The following SLCO5A1 variants were observed in gnomAD, a reference collection of about 807,000 sequenced individuals.
SLCO5A1 encodes the protein organic anion transporter polypeptide-related protein 4.
In SLCO5A1, 39 loss-of-function variants were observed where a neutral mutation model predicts 65.1. The observed-to-expected ratio is 0.60, with a 90% confidence interval of 0.46 to 0.78. The LOEUF is 0.78. SLCO5A1 is among the 30% of genes least tolerant of loss of function. SLCO5A1 has a pLI of 0.00. For synonymous variants in SLCO5A1, 438 were observed against 415.7 expected (o/e 1.05, Z -0.65); for missense variants, 1,029 against 1,069.4 (o/e 0.96, Z 0.53).
rs1821160656 is a variant in SLCO5A1, at chr8:69,831,756, G to A, written c.907+11C>T. On this transcript the variant is annotated intron_variant, in intron 2 of 9. Transcript: ENST00000260126. ...GAGTGAAACATATCTGAGAGAACAG[G>A]AAAGTCTTACCTAGGTACAAGGAGG... The A allele has an allele frequency of 6.8e-6, 11 of 1,607,042 alleles. No homozygotes were observed. Among genetic ancestry groups the A allele is most frequent in the Non-Finnish European group, 9.3e-6 (11 of 1,178,042 alleles).
chr8:69,825,359 T>C (rs1230119140), intron 2 of SLCO5A1, among the ~76,000 whole-genome samples: 1 of 152,208 alleles, frequency 6.6e-6, no homozygotes, highest in African/African-American at 2.4e-5. Context: ...GCAGATGACA[T>C]GATTGTATAT....
intron 3 of SLCO5A1, among the ~76,000 whole-genome samples, chr8:69,757,738 T>C (rs1327517752): frequency 6.7e-6 from 1 of 150,212 alleles, no homozygotes; most frequent in Non-Finnish European, 1.5e-5. Context: ...GCTATGATAA[T>C]GCCTGGCCCT....
chr8:69,758,717 T>A (rs1165937291), intron 3 of SLCO5A1, among the ~76,000 whole-genome samples: 3 of 152,148 alleles, frequency 2.0e-5, no homozygotes, highest in East Asian at 3.9e-4. Context: ...ATAACATCGA[T>A]ACAACACATC....
intron 2 of SLCO5A1, among the ~76,000 whole-genome samples, chr8:69,815,328 C>G (rs1820360103): frequency 6.6e-6 from 1 of 152,042 alleles, no homozygotes; most frequent in Admixed American, 6.6e-5. Flanking sequence ...AGTACAATGC[C>G]TGGCATATTT....
chr8:69,698,123 T>C (rs1002219994), intron 6 of SLCO5A1, among the ~76,000 whole-genome samples: 1 of 152,202 alleles, frequency 6.6e-6, no homozygotes, highest in African/African-American at 2.4e-5. Context: ...TTTCTGTTCC[T>C]GTGTTAGTTT....
chr8:69,777,706 G>A (rs1486558990), intron 2 of SLCO5A1, among the ~76,000 whole-genome samples: 1 of 152,156 alleles, frequency 6.6e-6, no homozygotes, highest in Non-Finnish European at 1.5e-5. Context: ...GTCCCCACCG[G>A]GGATGTGAAT....
chr8:69,734,804 T>G (rs1030512362), intron 5 of SLCO5A1, among the ~76,000 whole-genome samples: 3 of 152,198 alleles, frequency 2.0e-5, no homozygotes, highest in African/African-American at 4.8e-5. Context: ...TTTTCAGATA[T>G]ATTTCTCAAT....
intron 6 of SLCO5A1, among the ~76,000 whole-genome samples, chr8:69,687,100 G>T (rs961713110): frequency 6.6e-6 from 1 of 152,096 alleles, no homozygotes. Context: ...AATCACAAAC[G>T]TGAGGAGTGC....
chr8:69,786,929 G>A (rs1014971124), intron 2 of SLCO5A1, among the ~76,000 whole-genome samples: 1 of 152,186 alleles, frequency 6.6e-6, no homozygotes, highest in African/African-American at 2.4e-5. Flanking sequence ...CAATAATTTT[G>A]GAAGAAAGAG....
intron 6 of SLCO5A1, among the ~76,000 whole-genome samples, chr8:69,682,697 A>G (rs1475657273): frequency 6.6e-6 from 1 of 152,180 alleles, no homozygotes; most frequent in African/African-American, 2.4e-5. Context: ...TCTACATCTT[A>G]ACAAATCTGT....
intron 2 of SLCO5A1, among the ~76,000 whole-genome samples, chr8:69,784,811 A>AAGAAAGAAAGAAAGAAAGAAAG (rs1554620797): frequency 2.8e-5 from 2 of 70,950 alleles, no homozygotes; most frequent in African/African-American, 1.6e-4. Context: ...GAAAGAAAGA[A>AAGAAAGAAAGAAAGAAAGAAAG]AAAGAAAGAA....
rs1267935780 is a variant in SLCO5A1 at position 69,672,872 on chromosome 8, G to A, written c.2544C>T (p.Ser848=). ...EESPAALEPP[S] The stretch of plus-strand genomic sequence containing the variant: ...TAAATTCTTCCATTTTCAAGCTTCA[G>A]GAGGGCGGCTCCAAGGCAGCGGGGC... The change falls in exon 10 of 10, where the codon TCC becomes TCT. Residue 848 remains serine, a synonymous_variant. Coordinates refer to ENST00000260126, the MANE Select transcript of SLCO5A1 (RefSeq NM_030958.3). 3 of 1,602,292 alleles carry A rather than the reference G, an allele frequency of 1.9e-6. No individual in the cohort carries two copies. The highest frequency in any genetic ancestry group is 1.7e-6 in the Non-Finnish European group (2 of 1,171,786).
At chr8:69,734,486 C>T (rs145195808) in intron 5 of SLCO5A1, among the ~76,000 whole-genome samples, 239 of 152,294 alleles carry the variant, frequency 1.6e-3, no homozygotes, top group Non-Finnish European at 2.8e-3. Flanking sequence ...ATTTAGACAG[C>T]TTTTTCTAAT....
chr8:69,831,784 T>C lies in SLCO5A1; in HGVS notation c.890A>G (p.Asn297Ser), dbSNP rs761000823. The C allele has an allele frequency of 6.2e-7, 1 of 1,613,492 alleles. No homozygotes were observed. Among genetic ancestry groups the C allele is most frequent in the South Asian group, 1.1e-5 (1 of 90,988 alleles). The change falls in exon 2 of 10, where the codon AAC (asparagine) becomes AGC (serine). Residue 297 changes from asparagine to serine, a missense_variant. Asn to Ser is a conservative substitution (Grantham distance 46, BLOSUM62 1). Coordinates refer to ENST00000260126, the MANE Select transcript of SLCO5A1 (RefSeq NM_030958.3). Reference protein sequence around the residue: ...TYLDDNVKKENSSLYLAIMYV... With the variant: ...TYLDDNVKKESSSLYLAIMYV... Reference sequence around the variant, plus strand: ...AGTCTTACCTAGGTACAAGGAGGAGTTTTCTTTCTTGACATTGTCATCTAA... The same window carrying C: ...AGTCTTACCTAGGTACAAGGAGGAGCTTTCTTTCTTGACATTGTCATCTAA...
chr8:69,690,252 G>A (rs373160563), intron 6 of SLCO5A1, among the ~76,000 whole-genome samples: 8 of 152,316 alleles, frequency 5.3e-5, no homozygotes, highest in Non-Finnish European at 1.0e-4. Flanking sequence ...ATTAGATGAC[G>A]AGGCATTTGG....
chr8:69,759,014 C>T (rs1817644190), intron 3 of SLCO5A1, among the ~76,000 whole-genome samples: 2 of 152,232 alleles, frequency 1.3e-5, no homozygotes, highest in Non-Finnish European at 2.9e-5. Context: ...GCAAAATGCA[C>T]ATACCAGTGA....
At chr8:69,796,173 AT>A (rs1819490188) in intron 2 of SLCO5A1, among the ~76,000 whole-genome samples, 1 of 151,952 alleles carries the variant, frequency 6.6e-6, no homozygotes, top group Non-Finnish European at 1.5e-5. Flanking sequence ...TGTCTTATCT[AT>A]TAGTATTTGT....
chr8:69,802,857 G>A (rs150018206), intron 2 of SLCO5A1, among the ~76,000 whole-genome samples: 11 of 152,300 alleles, frequency 7.2e-5, no homozygotes, highest in Admixed American at 3.3e-4. Context: ...CATGATATAT[G>A]TCTGCCTCTT....
rs376583926 is a variant in SLCO5A1, at chr8:69,683,723, C to T, written c.1623-1380G>A. ...GATTACAGGCACCTGCCACCATGCC[C>T]GGCTAATTTTTGTATTTTCAGTAGA... is the stretch of plus-strand genomic sequence containing the variant. On this transcript the variant is annotated intron_variant, in intron 6 of 9. Coordinates refer to ENST00000260126, the MANE Select transcript of SLCO5A1 (RefSeq NM_030958.3). Among the ~76,000 whole-genome samples the T allele has an allele frequency of 3.9e-5, 6 of 152,124 alleles. No individual in the cohort carries two copies. The East Asian group carries it at 5.8e-4, about 15-fold the overall frequency.
Sources: gnomAD v4.1 joint callset for allele counts (sites outside exome capture counted in the v4.1 genomes callset) on GRCh38, gnomAD v4.1.1 for gene constraint, MANE v1.5 for transcripts, NCBI Gene and HGNC (gene_info 2026-07-23, HGNC 2026-07-21) for gene names.